Variants in MED13 observed in about 807,000 individuals in gnomAD.
MED13 encodes mediator complex subunit 13, also known as mediator of RNA polymerase II transcription subunit 13.
In MED13, 23 loss-of-function variants were observed where a neutral mutation model predicts 225.2. The ratio of observed to expected loss-of-function variants is 0.10; its 90% confidence interval spans 0.07 to 0.14. The LOEUF (loss-of-function observed/expected upper bound fraction) is 0.14, where lower values mean the gene tolerates loss of function less well. Among genes scored for constraint, MED13 ranks in the 10% least tolerant of loss-of-function variants. The probability of loss-of-function intolerance (pLI) is 1.00; values close to 1 mark genes in which losing one functional copy is unlikely to be tolerated. For missense variants in MED13, 2,197 were observed against 2,594.5 expected (o/e 0.85, Z 3.33); for synonymous variants, 942 against 889.2 (o/e 1.06, Z -1.06).
intron 3 of MED13, among the ~76,000 whole-genome samples, chr17:62,050,596 ACAG>A (rs1343709972): frequency 6.6e-6 from 1 of 152,206 alleles, no homozygotes; most frequent in Non-Finnish European, 1.5e-5. Flanking sequence ...CTTAAAAGAA[ACAG>A]AAGAATTAAA....
intron 9 of MED13, among the ~76,000 whole-genome samples, chr17:61,997,695 T>G (rs2080358034): frequency 6.6e-6 from 1 of 152,180 alleles, no homozygotes; most frequent in Non-Finnish European, 1.5e-5. Context: ...GTATTTATAT[T>G]CAAATAACTA....
intron 3 of MED13, among the ~76,000 whole-genome samples, chr17:62,043,181 A>AAAAGAAAG (rs1323468206): frequency 1.5e-5 from 2 of 134,050 alleles, no homozygotes; most frequent in African/African-American, 6.1e-5. Context: ...AAAAAAAAAA[A>AAAAGAAAG]AAAGAAAGAA....
chr17:62,062,759 C>G (rs963777128), intron 2 of MED13, among the ~76,000 whole-genome samples: 1 of 152,142 alleles, frequency 6.6e-6, no homozygotes, highest in African/African-American at 2.4e-5. Flanking sequence ...GTTAGGAACT[C>G]TGTTTCCTGA....
chr17:62,051,635 A>AAAAC (rs61643321), intron 3 of MED13, among the ~76,000 whole-genome samples: 25,795 of 152,066 alleles, frequency 0.17, 2,515 homozygotes, highest in East Asian at 0.49. Context: ...AAAGTTTGAA[A>AAAAC]AAACAAACAA....
chr17:62,037,507 A>C (rs1443996155), intron 3 of MED13, among the ~76,000 whole-genome samples: 1 of 150,778 alleles, frequency 6.6e-6, no homozygotes, highest in Non-Finnish European at 1.5e-5. Flanking sequence ...TCTACTAAAA[A>C]TACAAAAATT....
intron 8 of MED13, among the ~76,000 whole-genome samples, chr17:62,019,036 T>C (rs2080611346): frequency 3.9e-5 from 6 of 152,234 alleles, no homozygotes; most frequent in Admixed American, 3.9e-4. Context: ...AAACTACCAC[T>C]TGTCAATTTT....
intron 16 of MED13, among the ~76,000 whole-genome samples, chr17:61,977,759 T>A (rs2080169640): frequency 6.6e-6 from 1 of 152,198 alleles, no homozygotes; most frequent in African/African-American, 2.4e-5. Flanking sequence ...ATTATTTGTT[T>A]TTAATACTGA....
In MED13 at chr17:61,961,066, C is replaced by T. The variant is rs753677437; in HGVS notation, c.5281G>A (p.Ala1761Thr). Residue 1761 changes from alanine (A) to threonine (T), a missense_variant, in exon 23 of 30, where the codon GCA (alanine) becomes ACA (threonine). Physicochemically the swap from Ala to Thr is moderately conservative, Grantham distance 58. Coordinates refer to ENST00000397786, the MANE Select transcript of MED13 (RefSeq NM_005121.3). Reference sequence around the variant, plus strand: ...ACTGGAGCCAGAATAAAAGGAGGTGCATAAAGTCGAATACACTCTGGTCTC... The same window carrying T: ...ACTGGAGCCAGAATAAAAGGAGGTGTATAAAGTCGAATACACTCTGGTCTC... Reference protein sequence around the residue: ...PDRPECIRLYAPPFILAPVKD... With the variant: ...PDRPECIRLYTPPFILAPVKD... 8.1e-6 allele frequency: 13 copies of T among 1,613,712 alleles called. No individual in the cohort carries two copies. In the South Asian group the frequency reaches 1.1e-4, roughly 14 times the overall value.
At chr17:61,949,385 A>G (rs527374254) in intron 28 of MED13, among the ~76,000 whole-genome samples, 30 of 152,140 alleles carry the variant, frequency 2.0e-4, no homozygotes, top group Middle Eastern at 3.4e-3. Context: ...ACATGCCACC[A>G]TGCCTAATAT....
rs913476700 is a variant in MED13 at position 62,042,454 on chromosome 17, C to T, written c.471-6846G>A. Reference sequence around the variant, plus strand: ...GCACACGCCTGTAGTCCCAGCTACTCGGGAGGCTGAGGCAGGAGAATCGCT... The same window carrying T: ...GCACACGCCTGTAGTCCCAGCTACTTGGGAGGCTGAGGCAGGAGAATCGCT... On this transcript the variant is annotated intron_variant, in intron 3 of 29. Transcript: ENST00000397786. 8.9e-5 allele frequency among the ~76,000 whole-genome samples: 13 copies of T among 145,890 alleles called. 1 individual carries two copies. Among genetic ancestry groups the T allele is most frequent in the African/African-American group, 2.8e-4 (11 of 39,224 alleles).
Position 61,955,407 on chromosome 17 carries a change from C to T in MED13, c.5943G>A (p.Leu1981=), listed in dbSNP as rs200337630. ...VASATYTTEN[L]DLAFNPNNDG... ...CATTGTTGGGATTGAAAGCTAAATC[C>T]AAATTTTCAGTGGTATAAGTAGCTG... The change falls in exon 26 of 30, where the codon TTG becomes TTA. Residue 1981 remains leucine (L), a synonymous_variant. Transcript: ENST00000397786. 1.4e-4 allele frequency: 220 copies of T among 1,555,626 alleles called. 1 individual carries two copies. The highest frequency in any genetic ancestry group is 1.8e-4 in the Non-Finnish European group (214 of 1,157,492).
intron 3 of MED13, among the ~76,000 whole-genome samples, chr17:62,041,721 G>T (rs2080854540): frequency 6.6e-6 from 1 of 152,122 alleles, no homozygotes. Flanking sequence ...GGGACTACAG[G>T]TGTGAGCCAC....
At chr17:62,053,817 TAA>T (rs1458518535) in intron 2 of MED13, among the ~76,000 whole-genome samples, 1 of 152,140 alleles carries the variant, frequency 6.6e-6, no homozygotes, top group East Asian at 1.9e-4. Context: ...AGACATGTAT[TAA>T]GAGTTACACA....
intron 8 of MED13, among the ~76,000 whole-genome samples, chr17:62,016,784 G>GCC (rs1397864982): frequency 6.6e-6 from 1 of 152,210 alleles, no homozygotes; most frequent in African/African-American, 2.4e-5. Flanking sequence ...CAAGGCGGAC[G>GCC]GAACACCTGA....
intron 3 of MED13, among the ~76,000 whole-genome samples, chr17:62,051,925 G>A (rs2080960468): frequency 6.6e-6 from 1 of 152,160 alleles, no homozygotes; most frequent in South Asian, 2.1e-4. Context: ...TAACCTGAAG[G>A]TTTTAATTGC....
chr17:61,946,423 C>A lies in MED13; in HGVS notation c.*45G>T. 1.9e-6 allele frequency: 3 copies of A among 1,593,376 alleles called. No homozygotes were observed. Among genetic ancestry groups the A allele is most frequent in the Non-Finnish European group, 2.6e-6 (3 of 1,166,150 alleles). On this transcript the variant is annotated 3_prime_UTR_variant, in exon 30 of 30. Coordinates refer to ENST00000397786, the MANE Select transcript of MED13 (RefSeq NM_005121.3). ...GTAACTTAATCCTGCAGCGAAACAT[C>A]CATTTTTCCTTGTTCTTTTCTTGCA...
intron 17 of MED13, among the ~76,000 whole-genome samples, chr17:61,970,174 G>A (rs187168482): frequency 1.3e-5 from 2 of 152,284 alleles, no homozygotes; most frequent in Admixed American, 6.5e-5. Flanking sequence ...TTTTAGAGAT[G>A]AGAAAACATA....
intron 2 of MED13, among the ~76,000 whole-genome samples, chr17:62,062,289 C>T (rs73991962): frequency 0.037 from 5,692 of 152,184 alleles, 335 homozygotes; most frequent in African/African-American, 0.13. Flanking sequence ...CAATTTAAAG[C>T]TTCAGTAATT....
intron 9 of MED13, among the ~76,000 whole-genome samples, chr17:61,996,730 A>G (rs1393035790): frequency 6.6e-6 from 1 of 152,026 alleles, no homozygotes; most frequent in African/African-American, 2.4e-5. Flanking sequence ...AATCCCCCTT[A>G]CCCTGCTCTA....
Sources: allele counts gnomAD v4.1 joint callset (sites outside exome capture counted in the v4.1 genomes callset), GRCh38; gene constraint gnomAD v4.1.1; transcripts MANE v1.5; gene names NCBI Gene and HGNC (gene_info 2026-07-23, HGNC 2026-07-21).